The following MYO15B variants were observed in gnomAD, a reference collection of about 807,000 sequenced individuals.
MYO15B encodes the protein myosin XVB.
In MYO15B, 207 loss-of-function variants were observed where a neutral mutation model predicts 119.3. The observed-to-expected ratio is 1.73, with a 90% confidence interval of 1.55 to 1.95. MYO15B has a LOEUF of 1.95. Among genes scored for constraint, MYO15B ranks in the 30% most tolerant of loss-of-function variants. MYO15B has a pLI of 0.00. For missense variants in MYO15B, 2,264 were observed against 1,203.1 expected, an observed-to-expected ratio of 1.88 and a Z score of -13.04; for synonymous variants, 966 against 498.9, an observed-to-expected ratio of 1.94 and a Z score of -12.48.
intron 16 of MYO15B, 115 bp from the exon 17 acceptor site, chr17:75,602,715 G>A (rs2057362908): frequency 5.0e-6 from 3 of 605,892 alleles, no homozygotes; most frequent in Non-Finnish European, 8.8e-6. Context: ...CTTGGGCCAT[G>A]GGCTGAGCTT....
At chr17:75,619,888 G>C in exon 47 of MYO15B, 1 of 702,106 alleles carries the variant, frequency 1.4e-6, no homozygotes, top group Non-Finnish European at 2.6e-6. Flanking sequence ...GCTTTGCGGA[G>C]GTGCTGGGTG....
chr17:75,610,083 G>C, intron 21 of MYO15B, 83 bp from the exon 22 acceptor site: 1 of 564,822 alleles, frequency 1.8e-6, no homozygotes, highest in Non-Finnish European at 3.2e-6. Context: ...TTACATGAAT[G>C]TCAGGCTTAA....
chr17:75,588,036 GC>G, exon 1 of MYO15B: 2 of 398,494 alleles, frequency 5.0e-6, no homozygotes, highest in Non-Finnish European at 8.9e-6. Context: ...GCGTCGGGAA[GC>G]CCGTCTCCTT....
chr17:75,604,239 A>C (rs1383574868), intron 19 of MYO15B, among the ~76,000 whole-genome samples: 1 of 152,134 alleles, frequency 6.6e-6, no homozygotes, highest in Non-Finnish European at 1.5e-5. Flanking sequence ...AAGCTGGGTG[A>C]GAGGAACCTC....
chr17:75,592,587 G>A, intron 8 of MYO15B, 46 bp downstream of exon 8: 3 of 624,544 alleles, frequency 4.8e-6, no homozygotes, highest in African/African-American at 1.8e-5. Context: ...GCCCAGAGGA[G>A]GATCTCGGCC....
At chr17:75,588,941 C>T (rs1368205106) in exon 1 of MYO15B, 3 of 398,154 alleles carry the variant, frequency 7.5e-6, no homozygotes, top group Non-Finnish European at 1.3e-5. Context: ...ATGCAGGCCT[C>T]GACGGCCCGG....
chr17:75,620,162 G>A (rs1459168460), intron 47 of MYO15B, 84 bp from the exon 48 acceptor site: 9 of 696,750 alleles, frequency 1.3e-5, no homozygotes, highest in South Asian at 1.0e-4. Flanking sequence ...GGAGGGGCAG[G>A]CCAGCAGGGG....
chr17:75,621,090 C>G (rs752094543), exon 50 of MYO15B: 64 of 702,800 alleles, frequency 9.1e-5, no homozygotes, highest in Non-Finnish European at 1.6e-4. Flanking sequence ...CCAGCCTGTC[C>G]TCTGTGGCCT....
At chr17:75,620,262 T>C (rs1334971357) in exon 48 of MYO15B, 1 of 702,566 alleles carries the variant, frequency 1.4e-6, no homozygotes, top group Non-Finnish European at 2.6e-6. Context: ...GGCTATGTCA[T>C]CGCCCTGCGC....
chr17:75,619,353 C>T lies in MYO15B; in HGVS notation c.7064-5C>T, dbSNP rs901240509. The T allele has an allele frequency of 1.0e-5, 7 of 702,552 alleles. No homozygotes were observed. Among genetic ancestry groups the T allele is most frequent in the Non-Finnish European group, 1.3e-5 (5 of 384,920 alleles). 43.5% of individuals were successfully genotyped at this position (702,552 alleles called of 1,614,324 possible). A position where few individuals can be genotyped will look rare whatever the true frequency, so the allele number is the denominator to read the frequency against. ...GAGGGCAGCCTGGGTCCTTCCTGCC[C>T]ACAGGAGGCTTGGAGGTGGACCTGG... is the stretch of plus-strand genomic sequence containing the variant. On this transcript the variant is annotated splice_polypyrimidine_tract_variant and splice_region_variant and intron_variant, in intron 44 of 63. Coordinates refer to ENST00000645453, the Ensembl canonical transcript of MYO15B.
intron 15 of MYO15B, among the ~76,000 whole-genome samples, chr17:75,601,854 G>A (rs1661694): frequency 0.3 from 45,572 of 152,166 alleles, 6,947 homozygotes; most frequent in Middle Eastern, 0.34. Context: ...CTGAGCCTCC[G>A]TTTCCTCACC....
At chr17:75,599,975 G>C (rs1487930470) in intron 14 of MYO15B, among the ~76,000 whole-genome samples, 1 of 148,484 alleles carries the variant, frequency 6.7e-6, no homozygotes, top group East Asian at 2.0e-4. Flanking sequence ...CCCAGGAATG[G>C]TTGCTAAATC....
rs1054614682 is a variant in MYO15B, at chr17:75,624,164, C to T, written c.8273-11C>T. 4.3e-6 allele frequency: 3 copies of T among 702,782 alleles called. No individual in the cohort carries two copies. Among genetic ancestry groups the T allele is most frequent in the Non-Finnish European group, 7.8e-6 (3 of 384,920 alleles). The allele number at this position is 702,782 out of a possible 1,614,324, so 43.5% of individuals were successfully genotyped here. A position where few individuals can be genotyped will look rare whatever the true frequency, so the allele number is the denominator to read the frequency against. On this transcript the variant is annotated splice_polypyrimidine_tract_variant and intron_variant, in intron 55 of 63. Transcript: ENST00000645453. Reference sequence around the variant, plus strand: ...TGGCCATCTCATAACCCCAGGCTGGCTTCTCTGCAGAGCTGGCCCGGAGCA... The same window carrying T: ...TGGCCATCTCATAACCCCAGGCTGGTTTCTCTGCAGAGCTGGCCCGGAGCA...
exon 21 of MYO15B, chr17:75,605,924 C>A: frequency 1.4e-6 from 1 of 702,690 alleles, no homozygotes. Context: ...GCAGCGCTCC[C>A]AGGCCCTGGT....
At chr17:75,620,877 G>T (rs919090037) in intron 49 of MYO15B, 154 bp from the exon 50 acceptor site, 3 of 701,948 alleles carry the variant, frequency 4.3e-6, no homozygotes, top group Non-Finnish European at 7.8e-6. Flanking sequence ...TTAGTTCAAG[G>T]CTGCCCCAGC....
chr17:75,615,010 C>T (rs1358710858), exon 33 of MYO15B: 1 of 702,888 alleles, frequency 1.4e-6, no homozygotes, highest in Admixed American at 2.0e-5. Flanking sequence ...GGAGGGGGCG[C>T]CATTGGGCCC....
chr17:75,611,594 C>G lies in MYO15B; in HGVS notation c.4447-7C>G. ...TGGATCCTGGGTAAATGAGTCCCCT[C>G]TGCCAGGAGCTGGGGCGCTTGGAGA... On this transcript the variant is annotated splice_polypyrimidine_tract_variant and splice_region_variant and intron_variant, in intron 23 of 63. Transcript: ENST00000645453. The G allele has an allele frequency of 2.8e-6, 2 of 702,704 alleles. No homozygotes were observed. The highest frequency in any genetic ancestry group is 5.2e-6 in the Non-Finnish European group (2 of 384,992). The allele number at this position is 702,704 out of a possible 1,614,324, so 43.5% of individuals were successfully genotyped here.
Position 75,598,540 on chromosome 17 carries a change from A to AAAAG in MYO15B, c.3525+1644_3525+1645insGAAA, listed in dbSNP as rs1555677328. Among the ~76,000 whole-genome samples, 374 of 142,848 alleles carry AAAAG rather than the reference A, an allele frequency of 2.6e-3. 11 individuals carry two copies. The highest frequency in any genetic ancestry group is 3.2e-3 in the African/African-American group (123 of 38,654). 93.7% of individuals were successfully genotyped at this position (142,848 alleles called of 152,430 possible). A position where few individuals can be genotyped will look rare whatever the true frequency, so the allele number is the denominator to read the frequency against. ...GAGACTCCATCTCAAAAAAAAAAAA[A>AAAAG]AAAAAAGAAAATGAAAGGTGAAAAA... On this transcript the variant is annotated intron_variant, in intron 14 of 63. Coordinates refer to ENST00000645453, the Ensembl canonical transcript of MYO15B.
intron 19 of MYO15B, among the ~76,000 whole-genome samples, chr17:75,604,796 AT>A (rs1331963795): frequency 6.6e-6 from 1 of 151,922 alleles, no homozygotes; most frequent in Non-Finnish European, 1.5e-5. Context: ...AAATTTTTTA[AT>A]GATCTAGAAA....
Sources: allele counts gnomAD v4.1 joint callset (sites outside exome capture counted in the v4.1 genomes callset), GRCh38; gene constraint gnomAD v4.1.1; transcripts MANE v1.5; gene names NCBI Gene and HGNC (gene_info 2026-07-23, HGNC 2026-07-21).